PRKCA: variants seen among roughly 807,000 people sequenced by gnomAD.
PRKCA encodes the protein protein kinase C alpha type.
Under a neutral mutation model 87.0 loss-of-function variants are expected in PRKCA, and 27 were observed. The ratio of observed to expected loss-of-function variants is 0.31; its 90% CI spans 0.23 to 0.43. The LOEUF (loss-of-function observed/expected upper bound fraction) is 0.43. Ranked by LOEUF, PRKCA falls within the 20% of genes least tolerant of loss-of-function variation. The pLI is 1.00. For synonymous variants in PRKCA, 329 were observed against 311.1 expected (o/e 1.06, Z -0.61); for missense variants, 518 against 852.3 (o/e 0.61, Z 4.88).
intron 8 of PRKCA, among the ~76,000 whole-genome samples, chr17:66,707,219 C>T (rs556996420): frequency 6.6e-6 from 1 of 152,296 alleles, no homozygotes; most frequent in South Asian, 2.1e-4. Flanking sequence ...CCTACAAGTC[C>T]CTTTATGTGG....
chr17:66,357,061 A>C (rs192457436), intron 2 of PRKCA, among the ~76,000 whole-genome samples: 2 of 152,264 alleles, frequency 1.3e-5, no homozygotes, highest in African/African-American at 4.8e-5. Context: ...CGCCCAGCCA[A>C]AATGAATTCT....
chr17:66,789,277 A>G (rs1975475499), intron 16 of PRKCA, among the ~76,000 whole-genome samples: 2 of 152,228 alleles, frequency 1.3e-5, no homozygotes, highest in Non-Finnish European at 2.9e-5. Flanking sequence ...GCTGTGCTTT[A>G]GGTCTGGACT....
chr17:66,752,618 C>T (rs996125328), intron 13 of PRKCA, among the ~76,000 whole-genome samples: 43 of 152,274 alleles, frequency 2.8e-4, no homozygotes, highest in East Asian at 1.5e-3. Context: ...GTTAATGCTG[C>T]GATTCTTGGA....
intron 3 of PRKCA, among the ~76,000 whole-genome samples, chr17:66,551,129 C>T (rs1968313029): frequency 6.6e-6 from 1 of 152,188 alleles, no homozygotes; most frequent in Non-Finnish European, 1.5e-5. Context: ...GTGGCACAGT[C>T]ATGACTCACT....
chr17:66,771,387 G>A (rs1342737973), intron 13 of PRKCA, among the ~76,000 whole-genome samples: 2 of 152,094 alleles, frequency 1.3e-5, no homozygotes, highest in African/African-American at 4.8e-5. Context: ...AATTTATTTT[G>A]CAGAAATAGT....
intron 3 of PRKCA, among the ~76,000 whole-genome samples, chr17:66,500,779 C>T (rs771233599): frequency 2.0e-5 from 3 of 152,148 alleles, no homozygotes; most frequent in Non-Finnish European, 2.9e-5. Flanking sequence ...ATTTTACCAT[C>T]TTGAGAATTA....
intron 13 of PRKCA, among the ~76,000 whole-genome samples, chr17:66,765,533 T>C (rs1484816544): frequency 6.9e-6 from 1 of 145,942 alleles, no homozygotes; most frequent in African/African-American, 2.5e-5. Flanking sequence ...TTTATATATA[T>C]ATGTCTTTAT....
Position 66,566,871 on chromosome 17 carries a change from G to A in PRKCA, c.288+70588G>A, listed in dbSNP as rs538142938. Among the ~76,000 whole-genome samples the A allele has an allele frequency of 2.0e-5, 3 of 152,274 alleles. No homozygotes were observed. In the East Asian group the frequency reaches 5.8e-4, roughly 29 times the overall value. On this transcript the variant is annotated intron_variant, in intron 3 of 16. Coordinates refer to ENST00000413366, the MANE Select transcript of PRKCA (RefSeq NM_002737.3). ...TGGGGTTAGGCAGTATAGGCCATGAGCCCCTTGCCAGCCTCCCAGGGACTT... is the reference window on the plus strand; with the variant it reads ...TGGGGTTAGGCAGTATAGGCCATGAACCCCTTGCCAGCCTCCCAGGGACTT...
At chr17:66,329,165 CAGGA>C in intron 2 of PRKCA, among the ~76,000 whole-genome samples, 1 of 152,120 alleles carries the variant, frequency 6.6e-6, no homozygotes, top group South Asian at 2.1e-4. Context: ...TTTGCAAATC[CAGGA>C]TCCTTTTTAG....
At chr17:66,338,228 A>G (rs938707203) in intron 2 of PRKCA, among the ~76,000 whole-genome samples, 1 of 152,118 alleles carries the variant, frequency 6.6e-6, no homozygotes, top group Non-Finnish European at 1.5e-5. Context: ...CTCGGCTGCA[A>G]TAACCAGAAA....
At chr17:66,713,703 T>C (rs2033261657) in intron 8 of PRKCA, among the ~76,000 whole-genome samples, 2 of 152,198 alleles carry the variant, frequency 1.3e-5, no homozygotes, top group Admixed American at 1.3e-4. Flanking sequence ...CTCACACCTC[T>C]CTTCAAAGTG....
chr17:66,334,380 A>AT (rs1009665019), intron 2 of PRKCA, among the ~76,000 whole-genome samples: 2 of 151,650 alleles, frequency 1.3e-5, no homozygotes, highest in South Asian at 4.2e-4. Flanking sequence ...GTGTGTGCTT[A>AT]TTTTTTTTTC....
intron 4 of PRKCA, among the ~76,000 whole-genome samples, chr17:66,643,858 G>C (rs992725783): frequency 4.9e-4 from 74 of 152,214 alleles, no homozygotes; most frequent in African/African-American, 1.6e-3. Context: ...GGGGCAGTTA[G>C]CAACAACAAC....
At chr17:66,486,775 C>G (rs539162600) in intron 2 of PRKCA, among the ~76,000 whole-genome samples, 1 of 152,144 alleles carries the variant, frequency 6.6e-6, no homozygotes, top group African/African-American at 2.4e-5. Flanking sequence ...TTATACTTTT[C>G]TCAAATTGAG....
rs138164982 is a variant in PRKCA at position 66,556,558 on chromosome 17, A to G, written c.288+60275A>G. On this transcript the variant is annotated intron_variant, in intron 3 of 16. Coordinates refer to ENST00000413366, the MANE Select transcript of PRKCA (RefSeq NM_002737.3). ...ATGTGGAGAGGGTATGCTATCTGCT[A>G]TGGTCTGGCTCTGTTTCCCCACCCA... Among the ~76,000 whole-genome samples, 397 of 152,266 alleles carry G rather than the reference A, an allele frequency of 2.6e-3. 2 individuals carry two copies. Among genetic ancestry groups the G allele is most frequent in the African/African-American group, 7.4e-3 (309 of 41,554 alleles).
chr17:66,723,407 T>C (rs1042679914), intron 8 of PRKCA, among the ~76,000 whole-genome samples: 8 of 152,112 alleles, frequency 5.3e-5, no homozygotes, highest in African/African-American at 1.9e-4. Flanking sequence ...GGCAGGTGGA[T>C]CACTTGAGGT....
rs188388775 is a variant in PRKCA, at chr17:66,692,103, G to A, written c.918+3056G>A. Among the ~76,000 whole-genome samples the A allele has an allele frequency of 2.8e-3, 426 of 152,312 alleles. 3 individuals are homozygous for A. The highest frequency in any genetic ancestry group is 9.5e-3 in the African/African-American group (393 of 41,568). ...GGAGGGCTGTGGACTTGGCAGGAGCGCCAGCCCAAGGCTGTGAGCATCCTG... is the reference window on the plus strand; with the variant it reads ...GGAGGGCTGTGGACTTGGCAGGAGCACCAGCCCAAGGCTGTGAGCATCCTG... On this transcript the variant is annotated intron_variant, in intron 8 of 16. Transcript: ENST00000413366.
chr17:66,648,865 G>T (rs1971516469), intron 5 of PRKCA, among the ~76,000 whole-genome samples: 1 of 152,066 alleles, frequency 6.6e-6, no homozygotes, highest in Admixed American at 6.6e-5. Flanking sequence ...GGCCGAGGCG[G>T]GTGGATCGCT....
chr17:66,386,677 G>T (rs772568299), intron 2 of PRKCA, among the ~76,000 whole-genome samples: 1 of 152,212 alleles, frequency 6.6e-6, no homozygotes, highest in Admixed American at 6.5e-5. Flanking sequence ...ATGCTGAATT[G>T]CTGGGCTGCT....
Sources: allele counts gnomAD v4.1 joint callset (sites outside exome capture counted in the v4.1 genomes callset), GRCh38; gene constraint gnomAD v4.1.1; transcripts MANE v1.5; gene names NCBI Gene and HGNC (gene_info 2026-07-23, HGNC 2026-07-21).